LRRFIP2: variants seen among roughly 807,000 people sequenced by gnomAD.
LRRFIP2 encodes leucine-rich repeat flightless-interacting protein 2.
In LRRFIP2, 109 loss-of-function variants were observed where a neutral mutation model predicts 125.9. The ratio of observed to expected loss-of-function variants is 0.87; its 90% CI spans 0.74 to 1.01. The LOEUF is 1.01. Ranked by LOEUF, LRRFIP2 falls within the 50% of genes least tolerant of loss-of-function variation. The pLI is 0.00. For synonymous variants in LRRFIP2, 291 were observed against 293.1 expected (o/e 0.99, Z 0.07); for missense variants, 850 against 862.3 (o/e 0.99, Z 0.18).
At chr3:37,075,921 T>C (rs911242500) in intron 19 of LRRFIP2, among the ~76,000 whole-genome samples, 1 of 151,960 alleles carries the variant, frequency 6.6e-6, no homozygotes, top group African/African-American at 2.4e-5. Flanking sequence ...ACAATAAAAA[T>C]AAGAGCATCT....
chr3:37,090,357 T>C (rs567146180), intron 18 of LRRFIP2, among the ~76,000 whole-genome samples: 1 of 152,218 alleles, frequency 6.6e-6, no homozygotes, highest in African/African-American at 2.4e-5. Flanking sequence ...GCCTCCCAAG[T>C]AGCTTGGATT....
At chr3:37,159,103 G>C (rs547278037) in intron 1 of LRRFIP2, among the ~76,000 whole-genome samples, 1 of 152,192 alleles carries the variant, frequency 6.6e-6, no homozygotes, top group South Asian at 2.1e-4. Context: ...TTTCTTCTAA[G>C]AGTTTCAGTT....
At chr3:37,163,696 CAGACTT>C (rs2096403853) in intron 1 of LRRFIP2, among the ~76,000 whole-genome samples, 1 of 152,310 alleles carries the variant, frequency 6.6e-6, no homozygotes, top group East Asian at 1.9e-4. Context: ...TCCTGACTAA[CAGACTT>C]AGAGAGGTAG....
chr3:37,147,225 G>A (rs1354658739), intron 2 of LRRFIP2, among the ~76,000 whole-genome samples: 1 of 152,222 alleles, frequency 6.6e-6, no homozygotes, highest in Non-Finnish European at 1.5e-5. Context: ...TGACGAGGCT[G>A]TGGAGAAACA....
In LRRFIP2 at chr3:37,052,705, G is replaced by T. The variant is rs1331336386; in HGVS notation, c.*1146C>A. On this transcript the variant is annotated 3_prime_UTR_variant, in exon 28 of 28. Transcript: ENST00000336686. ...AGTTTTATTATCTTATGTGCCTTTAGTCACTAGATTTTCCCCCAATATATT... is the reference window on the plus strand; with the variant it reads ...AGTTTTATTATCTTATGTGCCTTTATTCACTAGATTTTCCCCCAATATATT... 2 of 151,920 alleles carry T rather than the reference G, an allele frequency of 1.3e-5. No individual in the cohort carries two copies. Among genetic ancestry groups the T allele is most frequent in the African/African-American group, 4.8e-5 (2 of 41,340 alleles). 9.4% of individuals were successfully genotyped at this position (151,920 alleles called of 1,614,324 possible).
At chr3:37,077,789 T>C (rs1244950641) in intron 19 of LRRFIP2, among the ~76,000 whole-genome samples, 1 of 152,224 alleles carries the variant, frequency 6.6e-6, no homozygotes, top group Non-Finnish European at 1.5e-5. Context: ...AAGCAAAATG[T>C]GGTATATATA....
intron 2 of LRRFIP2, among the ~76,000 whole-genome samples, chr3:37,136,870 T>C (rs994338615): frequency 6.7e-6 from 1 of 148,434 alleles, no homozygotes; most frequent in Non-Finnish European, 1.5e-5. Context: ...CACCTCACAA[T>C]AGAAAACCCA....
rs1362405771 is a variant in LRRFIP2 at position 37,111,067 on chromosome 3, T to G, written c.439-2A>C. On this transcript the variant is annotated splice_acceptor_variant, in intron 8 of 27. Coordinates refer to ENST00000336686, the MANE Select transcript of LRRFIP2 (RefSeq NM_006309.4). LOFTEE classifies it high-confidence loss of function. ...TCTCTGGTCAAAGTAGAGGCCACTC[T>G]GCAAAAAGCAAAATTAAACACATTT... 2 of 1,612,996 alleles carry G rather than the reference T, an allele frequency of 1.2e-6. No homozygotes were observed. Among genetic ancestry groups the G allele is most frequent in the Non-Finnish European group, 1.7e-6 (2 of 1,179,368 alleles).
intron 2 of LRRFIP2, among the ~76,000 whole-genome samples, chr3:37,147,093 C>G (rs1280646562): frequency 6.6e-6 from 1 of 151,750 alleles, no homozygotes; most frequent in African/African-American, 2.4e-5. Context: ...TGTATGCAGC[C>G]AACAAACATG....
At chr3:37,161,792 GA>G (rs540214528) in intron 1 of LRRFIP2, among the ~76,000 whole-genome samples, 4,703 of 69,984 alleles carry the variant, frequency 0.067, 229 homozygotes, top group African/African-American at 0.18. Context: ...ACAGAAAACA[GA>G]AAAAAAAAAA....
chr3:37,166,816 C>T (rs1477119669), intron 1 of LRRFIP2, among the ~76,000 whole-genome samples: 3 of 151,496 alleles, frequency 2.0e-5, no homozygotes, highest in Admixed American at 6.6e-5. Context: ...GTTGGGAGTT[C>T]GAGACCAGCC....
intron 23 of LRRFIP2, 186 bp from the exon 24 acceptor site, chr3:37,063,977 T>G (rs1279093212): frequency 5.5e-6 from 3 of 549,218 alleles, no homozygotes; most frequent in African/African-American, 1.9e-5. Flanking sequence ...CTAAAAAGTA[T>G]TTCCACACAA....
intron 24 of LRRFIP2, among the ~76,000 whole-genome samples, chr3:37,063,354 A>G (rs1297167311): frequency 6.6e-6 from 1 of 152,242 alleles, no homozygotes; most frequent in Non-Finnish European, 1.5e-5. Context: ...CCATAAAAGG[A>G]TGTCAATATA....
intron 2 of LRRFIP2, chr3:37,134,601 G>C (rs2095511265): frequency 1.8e-6 from 1 of 546,834 alleles, no homozygotes; most frequent in South Asian, 1.5e-5. Flanking sequence ...CAGGAGTTTT[G>C]GCCAGACTTT....
rs540243232 is a variant in LRRFIP2 at position 37,146,474 on chromosome 3, C to CCT, written c.90+2418_90+2419dup. Among the ~76,000 whole-genome samples, 3 of 152,250 alleles carry CCT rather than the reference C, an allele frequency of 2.0e-5. No individual in the cohort carries two copies. The South Asian group carries it at 6.2e-4, about 32-fold the overall frequency. On this transcript the variant is annotated intron_variant, in intron 2 of 27. Transcript: ENST00000336686. ...TGCTCTCCCTCACCCCACTGTGCTC[C>CCT]CTCTCCACAGGCCCCAGTGTGTGTT...
At chr3:37,109,968 C>T (rs2094492598) in intron 9 of LRRFIP2, among the ~76,000 whole-genome samples, 1 of 152,074 alleles carries the variant, frequency 6.6e-6, no homozygotes, top group South Asian at 2.1e-4. Flanking sequence ...CATTGGTCTT[C>T]GAGCATTATT....
chr3:37,116,053 A>G (rs2094768522), intron 6 of LRRFIP2, among the ~76,000 whole-genome samples: 1 of 152,128 alleles, frequency 6.6e-6, no homozygotes, highest in Admixed American at 6.5e-5. Flanking sequence ...CTATTCAAAA[A>G]CCCAATCTAA....
intron 19 of LRRFIP2, among the ~76,000 whole-genome samples, chr3:37,082,220 C>T (rs1452890315): frequency 1.3e-5 from 2 of 151,958 alleles, no homozygotes; most frequent in African/African-American, 4.8e-5. Flanking sequence ...TCAGAATCTC[C>T]AAAAATGGCC....
At chr3:37,124,701 A>C (rs1476388522) in intron 4 of LRRFIP2, among the ~76,000 whole-genome samples, 1 of 152,198 alleles carries the variant, frequency 6.6e-6, no homozygotes, top group Non-Finnish European at 1.5e-5. Context: ...AACTGTAAAG[A>C]TAACATCCTA....
Sources: allele counts gnomAD v4.1 joint callset (sites outside exome capture counted in the v4.1 genomes callset), GRCh38; gene constraint gnomAD v4.1.1; transcripts MANE v1.5; gene names NCBI Gene and HGNC (gene_info 2026-07-23, HGNC 2026-07-21).